The following SLIT3 variants were observed in gnomAD, a reference collection of about 807,000 sequenced individuals.
The protein encoded by SLIT3 is slit guidance ligand 3, also known as slit homolog 3 protein.
SLIT3 carries 68 observed loss-of-function variants against 184.0 expected under a neutral mutation model. That is an observed-to-expected ratio of 0.37 (90% confidence interval 0.30 to 0.45). The LOEUF (loss-of-function observed/expected upper bound fraction) is 0.45, where lower values mean the gene tolerates loss of function less well. Among genes scored for constraint, SLIT3 ranks in the 20% least tolerant of loss-of-function variants. The pLI is 1.00. For missense variants in SLIT3, 1,707 were observed against 2,026.0 expected (o/e 0.84, Z 3.02); for synonymous variants, 831 against 828.6 (o/e 1.00, Z -0.05).
chr5:169,284,818 T>A (rs1767102175), intron 1 of SLIT3, among the ~76,000 whole-genome samples: 1 of 152,262 alleles, frequency 6.6e-6, no homozygotes, highest in African/African-American at 2.4e-5. Flanking sequence ...CTATCCTTAG[T>A]TCTTACAACA....
chr5:169,059,074 G>A (rs1050025112), intron 4 of SLIT3, among the ~76,000 whole-genome samples: 11 of 152,174 alleles, frequency 7.2e-5, no homozygotes, highest in African/African-American at 2.4e-5. Flanking sequence ...TGAGCTCCAA[G>A]AACACTTGCT....
chr5:169,244,592 G>A (rs934181378), intron 3 of SLIT3, 113 bp downstream of exon 3: 2 of 818,628 alleles, frequency 2.4e-6, no homozygotes, highest in African/African-American at 1.7e-5. Flanking sequence ...TTTAAACACT[G>A]GAGACCTTTT....
intron 4 of SLIT3, among the ~76,000 whole-genome samples, chr5:169,144,480 A>G (rs963535195): frequency 6.6e-6 from 1 of 152,234 alleles, no homozygotes; most frequent in Non-Finnish European, 1.5e-5. Flanking sequence ...TAAACTCTTA[A>G]AGGCATGGAA....
intron 14 of SLIT3, among the ~76,000 whole-genome samples, chr5:168,766,715 C>T (rs1332490898): frequency 6.6e-6 from 1 of 152,212 alleles, no homozygotes; most frequent in Non-Finnish European, 1.5e-5. Flanking sequence ...AGGGGCAGTG[C>T]CGAGGGCCTC....
At chr5:169,066,258 C>T (rs765257531) in intron 4 of SLIT3, among the ~76,000 whole-genome samples, 4 of 152,114 alleles carry the variant, frequency 2.6e-5, no homozygotes, top group Non-Finnish European at 5.9e-5. Flanking sequence ...TCCTATCTTC[C>T]CCTTTAGTAT....
intron 20 of SLIT3, among the ~76,000 whole-genome samples, chr5:168,746,568 T>G (rs1481387338): frequency 2.6e-5 from 2 of 75,562 alleles, no homozygotes; most frequent in Admixed American, 1.4e-4. Flanking sequence ...GGTGTGGTGG[T>G]GTGTGGTGGT....
At chr5:168,912,764 A>G (rs1451880532) in intron 4 of SLIT3, among the ~76,000 whole-genome samples, 1 of 152,200 alleles carries the variant, frequency 6.6e-6, no homozygotes, top group Non-Finnish European at 1.5e-5. Context: ...ACAAGTGGCC[A>G]GGCTGGGCTA....
At chr5:169,181,839 G>A (rs1036419957) in intron 4 of SLIT3, among the ~76,000 whole-genome samples, 1 of 152,128 alleles carries the variant, frequency 6.6e-6, no homozygotes, top group African/African-American at 2.4e-5. Context: ...AGATAGAAGA[G>A]ATTAGTCATA....
At chr5:169,147,026 T>C (rs113087096) in intron 4 of SLIT3, among the ~76,000 whole-genome samples, 4,471 of 152,290 alleles carry the variant, frequency 0.029, 223 homozygotes, top group African/African-American at 0.1. Context: ...AGTAAGTGCT[T>C]GCTAAATGTC....
chr5:169,200,097 G>A (rs1763864362), intron 3 of SLIT3, among the ~76,000 whole-genome samples: 1 of 152,182 alleles, frequency 6.6e-6, no homozygotes, highest in Non-Finnish European at 1.5e-5. Flanking sequence ...AGCTTTCAGA[G>A]GTATCAACCT....
chr5:169,076,070 G>C (rs1241810023), intron 4 of SLIT3, among the ~76,000 whole-genome samples: 1 of 152,252 alleles, frequency 6.6e-6, no homozygotes, highest in African/African-American at 2.4e-5. Flanking sequence ...CTGTATGAGA[G>C]TGAAGGTGGC....
At chr5:168,917,018 C>T (rs1332011685) in intron 4 of SLIT3, among the ~76,000 whole-genome samples, 1 of 152,154 alleles carries the variant, frequency 6.6e-6, no homozygotes, top group Non-Finnish European at 1.5e-5. Context: ...TGTCATACAA[C>T]ATGACTAATA....
In SLIT3 at chr5:168,865,295, T is replaced by C. The variant is rs373314445; in HGVS notation, c.485+17970A>G. 2.0e-5 allele frequency among the ~76,000 whole-genome samples: 3 copies of C among 151,844 alleles called. No homozygotes were observed. The East Asian group carries it at 5.8e-4, about 29-fold the overall frequency. ...GAGGACTCATATAATTCAATGTTCATAGCAGCTTTATTCGTAATAACCCAA... is the reference window on the plus strand; with the variant it reads ...GAGGACTCATATAATTCAATGTTCACAGCAGCTTTATTCGTAATAACCCAA... On this transcript the variant is annotated intron_variant, in intron 5 of 35. Coordinates refer to ENST00000519560, the MANE Select transcript of SLIT3 (RefSeq NM_003062.4).
intron 3 of SLIT3, among the ~76,000 whole-genome samples, chr5:169,203,547 A>G (rs988887820): frequency 3.3e-5 from 5 of 151,516 alleles, no homozygotes; most frequent in African/African-American, 1.2e-4. Flanking sequence ...AAAGCAGACA[A>G]CTCCCCAGAT....
intron 5 of SLIT3, among the ~76,000 whole-genome samples, chr5:168,868,599 T>C: frequency 6.6e-6 from 1 of 151,700 alleles, no homozygotes; most frequent in African/African-American, 2.4e-5. Context: ...ATACAAAAAA[T>C]TAGCTGGCCG....
At chr5:169,211,752 C>T (rs1197768814) in intron 3 of SLIT3, among the ~76,000 whole-genome samples, 2 of 152,140 alleles carry the variant, frequency 1.3e-5, no homozygotes, top group African/African-American at 4.8e-5. Context: ...GAACTGTCAC[C>T]TACACTAGGT....
rs3072089 is a variant in SLIT3 at position 169,032,509 on chromosome 5, ATT to A, written c.414-149175_414-149174del. ...AGCCTTACTCACTTATGTGCCAGTCATTTTTTTTTTTTACCATATATGTGTAA... is the reference window on the plus strand; with the variant it reads ...AGCCTTACTCACTTATGTGCCAGTCATTTTTTTTTTACCATATATGTGTAA... On this transcript the variant is annotated intron_variant, in intron 4 of 35. Coordinates refer to ENST00000519560, the MANE Select transcript of SLIT3 (RefSeq NM_003062.4). Among the ~76,000 whole-genome samples the A allele has an allele frequency of 7.8e-3, 1,129 of 145,346 alleles. 23 individuals carry two copies. Among genetic ancestry groups the A allele is most frequent in the African/African-American group, 0.027 (1,064 of 39,650 alleles).
At chr5:168,842,185 T>C (rs1407048301) in intron 6 of SLIT3, among the ~76,000 whole-genome samples, 1 of 152,162 alleles carries the variant, frequency 6.6e-6, no homozygotes, top group East Asian at 1.9e-4. Context: ...GGCTCACCAT[T>C]AAGATGGATG....
intron 6 of SLIT3, among the ~76,000 whole-genome samples, chr5:168,834,933 G>A (rs917877932): frequency 1.1e-4 from 17 of 152,058 alleles, no homozygotes; most frequent in Non-Finnish European, 2.5e-4. Flanking sequence ...AGCTTGCACC[G>A]TCCAATAAGG....
Sources: allele counts gnomAD v4.1 joint callset (sites outside exome capture counted in the v4.1 genomes callset), GRCh38; gene constraint gnomAD v4.1.1; transcripts MANE v1.5; gene names NCBI Gene and HGNC (gene_info 2026-07-23, HGNC 2026-07-21).